Variants in TRIM5 observed in about 807,000 individuals in gnomAD.
TRIM5 encodes the protein tripartite motif-containing protein 5.
TRIM5 carries 31 observed loss-of-function variants against 35.6 expected under a neutral mutation model. That is an observed-to-expected ratio of 0.87 (90% confidence interval 0.65 to 1.18). The LOEUF is 1.18. Ranked by LOEUF, TRIM5 falls within the 50% of genes most tolerant of loss-of-function variation. The pLI, the probability that TRIM5 is intolerant of heterozygous loss-of-function variation, is 0.00. For synonymous variants in TRIM5, 243 were observed against 215.6 expected (o/e 1.13, Z -1.11); for missense variants, 609 against 591.6 (o/e 1.03, Z -0.31).
chr11:5,646,236 A>G, the TRIM5 span, among the ~76,000 whole-genome samples: 7 of 151,982 alleles, frequency 4.6e-5, no homozygotes, highest in African/African-American at 1.7e-4. Flanking sequence ...GTAGCACTGG[A>G]TGTCTGTCCA....
chr11:5,637,379 GA>G, the TRIM5 span, among the ~76,000 whole-genome samples: 1,167 of 152,270 alleles, frequency 7.7e-3, 3 homozygotes, highest in Non-Finnish European at 0.012. Flanking sequence ...GCCAAAGAAC[GA>G]TCTAGACAGA....
the TRIM5 span, chr11:5,603,396 A>C: frequency 6.2e-7 from 1 of 1,612,038 alleles, no homozygotes; most frequent in Non-Finnish European, 8.5e-7. Context: ...CCCTGAGCAT[A>C]GACTGTGGCC....
At chr11:5,616,320 T>C in the TRIM5 span, among the ~76,000 whole-genome samples, 23 of 145,508 alleles carry the variant, frequency 1.6e-4, 3 homozygotes, top group African/African-American at 5.0e-5. Flanking sequence ...AAACACTGTC[T>C]CAAAAAAAAG....
chr11:5,591,092 TA>T, the TRIM5 span: 1 of 154,788 alleles, frequency 6.5e-6, no homozygotes, highest in Non-Finnish European at 1.4e-5. Flanking sequence ...AAGGAGAAAT[TA>T]AAAGGACAAA....
the TRIM5 span, among the ~76,000 whole-genome samples, chr11:5,646,827 G>T: frequency 6.6e-6 from 1 of 152,036 alleles, no homozygotes; most frequent in Non-Finnish European, 1.5e-5. Flanking sequence ...TATGACCATG[G>T]GATGGTCTTA....
At chr11:5,603,852 G>A in the TRIM5 span, 5 of 1,451,944 alleles carry the variant, frequency 3.4e-6, no homozygotes, top group Non-Finnish European at 2.7e-6. Flanking sequence ...GAATGAACCT[G>A]GAAACTGCCT....
chr11:5,595,648 G>A, the TRIM5 span, among the ~76,000 whole-genome samples: 3 of 151,934 alleles, frequency 2.0e-5, no homozygotes, highest in South Asian at 2.1e-4. Flanking sequence ...CTGGCCTGGT[G>A]TTCTCAAAGG....
At chr11:5,667,053 C>G (rs1851193074) in intron 5 of TRIM5, among the ~76,000 whole-genome samples, 1 of 152,074 alleles carries the variant, frequency 6.6e-6, no homozygotes, top group Non-Finnish European at 1.5e-5. Flanking sequence ...AGAAAGAGAA[C>G]TAGATGTAGG....
At chr11:5,630,043 C>T in the TRIM5 span, among the ~76,000 whole-genome samples, 1 of 152,154 alleles carries the variant, frequency 6.6e-6, no homozygotes, top group Admixed American at 6.5e-5. Context: ...GACCATGTGA[C>T]CATGTGGATG....
chr11:5,670,402 G>C (rs1851500355), intron 4 of TRIM5, among the ~76,000 whole-genome samples: 1 of 151,578 alleles, frequency 6.6e-6, no homozygotes, highest in Non-Finnish European at 1.5e-5. Context: ...AGCCAGGATG[G>C]TCTCGATCCG....
At chr11:5,672,075 T>C (rs368205644) in intron 4 of TRIM5, among the ~76,000 whole-genome samples, 2 of 152,282 alleles carry the variant, frequency 1.3e-5, no homozygotes, top group East Asian at 3.9e-4. Context: ...AATGACTTAT[T>C]GAAAGCACTA....
chr11:5,599,625 G>A, the TRIM5 span, among the ~76,000 whole-genome samples: 2 of 152,004 alleles, frequency 1.3e-5, no homozygotes, highest in African/African-American at 2.4e-5. Flanking sequence ...GGATGGTCTC[G>A]ATCTCCTGAC....
At chr11:5,602,166 T>C in the TRIM5 span, among the ~76,000 whole-genome samples, 4 of 152,102 alleles carry the variant, frequency 2.6e-5, no homozygotes, top group Non-Finnish European at 4.4e-5. Flanking sequence ...ATAGACCGGG[T>C]GCAGTGGCTC....
chr11:5,670,153 T>C (rs1037142452), intron 4 of TRIM5, among the ~76,000 whole-genome samples: 1 of 151,266 alleles, frequency 6.6e-6, no homozygotes, highest in African/African-American at 2.4e-5. Context: ...TTTGTCTGTG[T>C]TGGATCAGAT....
chr11:5,654,808 A>G, the TRIM5 span, among the ~76,000 whole-genome samples: 4 of 152,214 alleles, frequency 2.6e-5, no homozygotes, highest in African/African-American at 7.2e-5. Context: ...AAATTTGTCA[A>G]AAAGGATTAC....
chr11:5,665,750 C>T (rs528545277), intron 6 of TRIM5, 68 bp from the exon 7 acceptor site: 10 of 1,473,492 alleles, frequency 6.8e-6, no homozygotes. Flanking sequence ...CATTTTCTCT[C>T]CAGATTAGGG....
the TRIM5 span, among the ~76,000 whole-genome samples, chr11:5,609,635 A>T: frequency 6.6e-6 from 1 of 152,188 alleles, no homozygotes; most frequent in Admixed American, 6.5e-5. Flanking sequence ...TAAGAAGTTA[A>T]ATCTTGGACA....
At chr11:5,655,622 T>G in the TRIM5 span, 3 of 984,832 alleles carry the variant, frequency 3.0e-6, no homozygotes, top group Non-Finnish European at 3.6e-6. Context: ...GTGTGAAGAT[T>G]GCCATGCTCC....
At chr11:5,624,648 T>C in the TRIM5 span, among the ~76,000 whole-genome samples, 2 of 152,226 alleles carry the variant, frequency 1.3e-5, no homozygotes, top group Non-Finnish European at 2.9e-5. Flanking sequence ...CATTCTTTGC[T>C]GTGGGAACTG....
Sources: gnomAD v4.1 joint callset for allele counts (sites outside exome capture counted in the v4.1 genomes callset) on GRCh38, gnomAD v4.1.1 for gene constraint, MANE v1.5 for transcripts, NCBI Gene and HGNC (gene_info 2026-07-23, HGNC 2026-07-21) for gene names.